The following FMNL2 variants were observed in gnomAD, a reference collection of about 807,000 sequenced individuals.
The protein encoded by FMNL2 is formin-like protein 2.
A neutral mutation model predicts 130.2 loss-of-function variants in FMNL2; 51 were observed. The ratio of observed to expected loss-of-function variants is 0.39; its 90% CI spans 0.31 to 0.49. The LOEUF is 0.49. Ranked by LOEUF, FMNL2 falls within the 20% of genes least tolerant of loss-of-function variation. The pLI, the probability that FMNL2 is intolerant of heterozygous loss-of-function variation, is 0.85. For missense variants in FMNL2, 977 were observed against 1,316.2 expected (o/e 0.74, Z 3.99); for synonymous variants, 465 against 467.1 (o/e 1.00, Z 0.06).
intron 1 of FMNL2, among the ~76,000 whole-genome samples, chr2:152,363,549 G>GT (rs1277189761): frequency 6.7e-6 from 1 of 149,904 alleles, no homozygotes; most frequent in Admixed American, 6.7e-5. Flanking sequence ...GGCTCAGTGA[G>GT]TTTTTTTCTT....
At chr2:152,461,627 T>G (rs111782458) in intron 1 of FMNL2, among the ~76,000 whole-genome samples, 1,922 of 152,350 alleles carry the variant, frequency 0.013, 24 homozygotes, top group Middle Eastern at 0.051. Context: ...CTAAACATAT[T>G]TCAAATGCCA....
intron 2 of FMNL2, among the ~76,000 whole-genome samples, chr2:152,530,575 G>C (rs1432432421): frequency 6.6e-6 from 1 of 152,164 alleles, no homozygotes; most frequent in Non-Finnish European, 1.5e-5. Context: ...TAGATGCTAA[G>C]ACCACCACGC....
At chr2:152,428,066 C>T (rs923085806) in intron 1 of FMNL2, among the ~76,000 whole-genome samples, 4 of 152,206 alleles carry the variant, frequency 2.6e-5, no homozygotes, top group Non-Finnish European at 4.4e-5. Flanking sequence ...CCACATTCCC[C>T]CTTTGTAAAA....
At chr2:152,570,456 G>A (rs1223063067) in intron 6 of FMNL2, among the ~76,000 whole-genome samples, 2 of 152,134 alleles carry the variant, frequency 1.3e-5, no homozygotes, top group African/African-American at 4.8e-5. Flanking sequence ...AATGGCAGGA[G>A]CTCCAAAAAT....
intron 1 of FMNL2, among the ~76,000 whole-genome samples, chr2:152,482,147 A>T (rs1385870820): frequency 6.6e-6 from 1 of 152,224 alleles, no homozygotes; most frequent in African/African-American, 2.4e-5. Context: ...TCGCTATAAA[A>T]GTTTCAAATT....
At chr2:152,461,325 A>G (rs1328788474) in intron 1 of FMNL2, among the ~76,000 whole-genome samples, 2 of 151,296 alleles carry the variant, frequency 1.3e-5, no homozygotes, top group Non-Finnish European at 2.9e-5. Context: ...CCAACATGTA[A>G]TCAATATAAA....
At chr2:152,365,698 G>T (rs1401160903) in intron 1 of FMNL2, among the ~76,000 whole-genome samples, 1 of 151,986 alleles carries the variant, frequency 6.6e-6, no homozygotes, top group Non-Finnish European at 1.5e-5. Context: ...GCTTGAACCC[G>T]GGAGGCGGAG....
chr2:152,626,737 G>A lies in FMNL2; in HGVS notation c.2165+10G>A. The A allele has an allele frequency of 6.3e-7, 1 of 1,596,440 alleles. No individual in the cohort carries two copies. The highest frequency in any genetic ancestry group is 8.5e-7 in the Non-Finnish European group (1 of 1,171,330). ...GTAAAGCTATTCATGTGTAAGTTCA[G>A]GAAAATTATATTCTAGTTAGTTTAT... On this transcript the variant is annotated intron_variant, in intron 17 of 25. Coordinates refer to ENST00000288670, the MANE Select transcript of FMNL2 (RefSeq NM_052905.4).
chr2:152,386,081 G>A (rs934027356), intron 1 of FMNL2, among the ~76,000 whole-genome samples: 3 of 152,196 alleles, frequency 2.0e-5, no homozygotes, highest in Admixed American at 6.5e-5. Context: ...ATCAGGAAAG[G>A]TTCCATAGTT....
At chr2:152,540,781 C>T (rs1004902633) in intron 2 of FMNL2, among the ~76,000 whole-genome samples, 11 of 151,738 alleles carry the variant, frequency 7.2e-5, no homozygotes, top group East Asian at 1.9e-4. Flanking sequence ...GCATGGCACA[C>T]GTATACATAT....
rs535171800 is a variant in FMNL2 at position 152,592,013 on chromosome 2, G to T, written c.876+10964G>T. On this transcript the variant is annotated intron_variant, in intron 9 of 25. Coordinates refer to ENST00000288670, the MANE Select transcript of FMNL2 (RefSeq NM_052905.4). ...AGCTACTCAGGAGGCTGAGGCAGGA[G>T]AATCGCTTGAACCCGGGAGGCAGAG... is the stretch of plus-strand genomic sequence containing the variant. Among the ~76,000 whole-genome samples, 163 of 152,286 alleles carry T rather than the reference G, an allele frequency of 1.1e-3. 1 individual carries two copies. Among genetic ancestry groups the T allele is most frequent in the African/African-American group, 3.9e-3 (161 of 41,562 alleles).
rs574513956 is a variant in FMNL2 at position 152,493,308 on chromosome 2, T to A, written c.118-28635T>A. On this transcript the variant is annotated intron_variant, in intron 1 of 25. Coordinates refer to ENST00000288670, the MANE Select transcript of FMNL2 (RefSeq NM_052905.4). ...GTAGGCTTCCAGTGTAATTTCTTTT[T>A]TCCTGTTAACAAAATGAACCTCAGA... Among the ~76,000 whole-genome samples the A allele has an allele frequency of 4.6e-5, 7 of 152,332 alleles. No individual in the cohort carries two copies. In the South Asian group the frequency reaches 1.4e-3, roughly 32 times the overall value.
intron 1 of FMNL2, among the ~76,000 whole-genome samples, chr2:152,447,224 T>C (rs1288352130): frequency 6.6e-6 from 1 of 151,996 alleles, no homozygotes; most frequent in East Asian, 1.9e-4. Context: ...CCTCAGCTTC[T>C]CCAGTAGTCG....
At chr2:152,586,245 G>A (rs765336724) in intron 9 of FMNL2, among the ~76,000 whole-genome samples, 5 of 152,146 alleles carry the variant, frequency 3.3e-5, no homozygotes, top group African/African-American at 9.7e-5. Flanking sequence ...TGAGTCACTC[G>A]AGGCCACCAG....
intron 4 of FMNL2, among the ~76,000 whole-genome samples, chr2:152,553,804 C>CA (rs955383223): frequency 3.4e-4 from 51 of 148,618 alleles, no homozygotes; most frequent in African/African-American, 1.1e-3. Flanking sequence ...TCTTCAAATC[C>CA]AAAAAAAAAT....
At chr2:152,540,111 G>A (rs902276396) in intron 2 of FMNL2, among the ~76,000 whole-genome samples, 1 of 151,818 alleles carries the variant, frequency 6.6e-6, no homozygotes, top group African/African-American at 2.4e-5. Context: ...TTGAATAATT[G>A]GAATTATATT....
chr2:152,471,188 T>C (rs570604806), intron 1 of FMNL2, among the ~76,000 whole-genome samples: 1 of 152,038 alleles, frequency 6.6e-6, no homozygotes, highest in East Asian at 1.9e-4. Context: ...CCGTACGCTG[T>C]CGTTTGCTTA....
At chr2:152,568,438 C>T (rs1695985144) in intron 6 of FMNL2, among the ~76,000 whole-genome samples, 1 of 152,076 alleles carries the variant, frequency 6.6e-6, no homozygotes, top group South Asian at 2.1e-4. Flanking sequence ...TGGTCTTGAA[C>T]TCTTGGCCTC....
chr2:152,549,349 C>T (rs180966492), intron 4 of FMNL2, among the ~76,000 whole-genome samples: 1 of 152,206 alleles, frequency 6.6e-6, no homozygotes, highest in South Asian at 2.1e-4. Context: ...AATATGGACA[C>T]TTGGTTTCAT....
Sources: allele counts gnomAD v4.1 joint callset (sites outside exome capture counted in the v4.1 genomes callset), GRCh38; gene constraint gnomAD v4.1.1; transcripts MANE v1.5; gene names NCBI Gene and HGNC (gene_info 2026-07-23, HGNC 2026-07-21).